Variants in KIF27 observed in about 807,000 individuals in gnomAD.
The protein encoded by KIF27 is kinesin-like protein KIF27.
In KIF27, 84 loss-of-function variants were observed where a neutral mutation model predicts 141.8. That is an observed-to-expected ratio of 0.59 (90% CI 0.50 to 0.71). The LOEUF is 0.71. Among genes scored for constraint, KIF27 ranks in the 30% least tolerant of loss-of-function variants. KIF27 has a pLI of 0.00. For synonymous variants in KIF27, 471 were observed against 569.5 expected (o/e 0.83, Z 2.46); for missense variants, 1,306 against 1,628.4 (o/e 0.80, Z 3.41).
intron 17 of KIF27, chr9:83,838,670 T>A (rs1946204074): frequency 6.6e-6 from 1 of 152,206 alleles, no homozygotes; most frequent in Non-Finnish European, 1.5e-5. Context: ...TTGAAAAGTT[T>A]CATATAAAAA....
chr9:83,908,006 G>A (rs1263611584), intron 3 of KIF27, among the ~76,000 whole-genome samples: 1 of 152,208 alleles, frequency 6.6e-6, no homozygotes, highest in Admixed American at 6.5e-5. Flanking sequence ...GCTCACGCCT[G>A]TAATCCCAGC....
chr9:83,887,790 G>A (rs1360578174), intron 8 of KIF27, among the ~76,000 whole-genome samples: 2 of 151,770 alleles, frequency 1.3e-5, no homozygotes, highest in Non-Finnish European at 2.9e-5. Flanking sequence ...AAGCATGGCT[G>A]CTTGAGTAGC....
intron 16 of KIF27, among the ~76,000 whole-genome samples, chr9:83,848,436 CAT>C (rs202136804): frequency 0.13 from 18,184 of 136,748 alleles, 1,295 homozygotes; most frequent in African/African-American, 0.14. Context: ...ATCTATATAT[CAT>C]ATATGCTATA....
At chr9:83,904,116 CT>C in intron 3 of KIF27, 98 bp from the exon 4 acceptor site, 1 of 814,946 alleles carries the variant, frequency 1.2e-6, no homozygotes. Flanking sequence ...AAGATAGTCC[CT>C]TTTTTAAAAA....
chr9:83,918,034 A>C (rs1955866607), intron 1 of KIF27, among the ~76,000 whole-genome samples: 1 of 152,208 alleles, frequency 6.6e-6, no homozygotes, highest in African/African-American at 2.4e-5. Context: ...AAAAGCAAAA[A>C]ATAAAGATGA....
intron 11 of KIF27, among the ~76,000 whole-genome samples, chr9:83,878,528 A>G (rs1564358582): frequency 6.6e-6 from 1 of 152,196 alleles, no homozygotes; most frequent in Non-Finnish European, 1.5e-5. Context: ...ATGAATGGAT[A>G]AAGAACTGTG....
intron 11 of KIF27, among the ~76,000 whole-genome samples, chr9:83,874,437 A>G (rs1301021385): frequency 6.6e-6 from 1 of 152,136 alleles, no homozygotes; most frequent in African/African-American, 2.4e-5. Flanking sequence ...CAAGTAGAAA[A>G]GAGACAGGAG....
At chr9:83,851,921 A>G (rs1045114773) in intron 15 of KIF27, among the ~76,000 whole-genome samples, 1 of 151,718 alleles carries the variant, frequency 6.6e-6, no homozygotes, top group Non-Finnish European at 1.5e-5. Context: ...CGAGGTCAGG[A>G]GTTTGAGACC....
chr9:83,906,763 AAAG>A (rs1954588826), intron 3 of KIF27, among the ~76,000 whole-genome samples: 1 of 150,792 alleles, frequency 6.6e-6, no homozygotes. Flanking sequence ...AAAAAAAAAA[AAAG>A]AATAGTCACT....
In KIF27 at chr9:83,834,564, A is replaced by G. The variant is rs1587816960; in HGVS notation, c.*2437T>C. Among the ~76,000 whole-genome samples the G allele has an allele frequency of 6.6e-6, 1 of 152,134 alleles. No homozygotes were observed. The highest frequency in any genetic ancestry group is 1.9e-4 in the East Asian group (1 of 5,190). On this transcript the variant is annotated 3_prime_UTR_variant, in exon 18 of 18. Transcript: ENST00000297814. ...TTATTAGTGAGTTGGCTTTGAGGAA[A>G]TGTGTATTTCCACAGGTAAAACAAG...
Position 83,836,565 on chromosome 9 carries a change from C to G in KIF27, c.*436G>C, listed in dbSNP as rs987962066. Reference sequence around the variant, plus strand: ...ATATGCAGCAGGTGACTCCCTCTGACAAAAGCAAGATTTAGCTGGATCTTT... The same window carrying G: ...ATATGCAGCAGGTGACTCCCTCTGAGAAAAGCAAGATTTAGCTGGATCTTT... On this transcript the variant is annotated 3_prime_UTR_variant, in exon 18 of 18. Coordinates refer to ENST00000297814, the MANE Select transcript of KIF27 (RefSeq NM_017576.4). 1 of 156,002 alleles carries G rather than the reference C, an allele frequency of 6.4e-6. No individual in the cohort carries two copies. Among genetic ancestry groups the G allele is most frequent in the Non-Finnish European group, 1.4e-5 (1 of 71,058 alleles). 9.7% of individuals were successfully genotyped at this position (156,002 alleles called of 1,614,324 possible). A position where few individuals can be genotyped will look rare whatever the true frequency, so the allele number is the denominator to read the frequency against.
At chr9:83,878,161 CAAAAAA>C (rs58897060) in intron 11 of KIF27, among the ~76,000 whole-genome samples, 1 of 38,456 alleles carries the variant, frequency 2.6e-5, no homozygotes, top group Non-Finnish European at 5.1e-5. Flanking sequence ...GACTCTGTCT[CAAAAAA>C]AAAAAAAAAA....
At chr9:83,888,233 A>G (rs956911892) in intron 8 of KIF27, among the ~76,000 whole-genome samples, 1 of 150,694 alleles carries the variant, frequency 6.6e-6, no homozygotes, top group African/African-American at 2.4e-5. Context: ...AGGTCTGAAT[A>G]TAAAAATCCT....
intron 5 of KIF27, among the ~76,000 whole-genome samples, chr9:83,898,440 A>G (rs1281558849): frequency 6.6e-6 from 1 of 152,206 alleles, no homozygotes; most frequent in Non-Finnish European, 1.5e-5. Flanking sequence ...TAGTAAAACC[A>G]TAAGAAAAGC....
chr9:83,887,273 A>C (rs1264526518), intron 8 of KIF27, 77 bp from the exon 9 acceptor site: 2 of 982,774 alleles, frequency 2.0e-6, no homozygotes, highest in Non-Finnish European at 2.8e-6. Context: ...AAAGAAAAGC[A>C]GACTCAAAAG....
intron 11 of KIF27, among the ~76,000 whole-genome samples, chr9:83,873,381 C>A (rs1362006297): frequency 1.3e-5 from 2 of 152,140 alleles, no homozygotes; most frequent in African/African-American, 2.4e-5. Flanking sequence ...GAGACTGAGC[C>A]TTCTTATTCA....
At chr9:83,875,161 T>C (rs1022994002) in intron 11 of KIF27, among the ~76,000 whole-genome samples, 6 of 152,046 alleles carry the variant, frequency 3.9e-5, no homozygotes, top group Non-Finnish European at 5.9e-5. Context: ...GATCTTCACA[T>C]TGGAAAAAGA....
intron 15 of KIF27, among the ~76,000 whole-genome samples, chr9:83,852,241 C>G (rs571001538): frequency 6.6e-6 from 1 of 151,384 alleles, no homozygotes; most frequent in African/African-American, 2.4e-5. Flanking sequence ...GTCAGGAGAT[C>G]GAGACCATCC....
At position 83,890,809 on chromosome 9, in the gene KIF27, A is replaced by C. The variant is rs1438566452; in HGVS notation, c.1809+486T>G. On this transcript the variant is annotated intron_variant, in intron 6 of 17. Coordinates refer to ENST00000297814, the MANE Select transcript of KIF27 (RefSeq NM_017576.4). ...TAATAGAGATTCTTTGATAATTCTTAAAACTGTGTGTGTATATATTTACCA... is the reference window on the plus strand; with the variant it reads ...TAATAGAGATTCTTTGATAATTCTTCAAACTGTGTGTGTATATATTTACCA... Among the ~76,000 whole-genome samples the C allele has an allele frequency of 6.6e-5, 10 of 152,224 alleles. No individual in the cohort carries two copies. The East Asian group carries it at 1.7e-3, about 26-fold the overall frequency.
Sources: allele counts gnomAD v4.1 joint callset (sites outside exome capture counted in the v4.1 genomes callset), GRCh38; gene constraint gnomAD v4.1.1; transcripts MANE v1.5; gene names NCBI Gene and HGNC (gene_info 2026-07-23, HGNC 2026-07-21).